FAM168B: variants seen among roughly 807,000 people sequenced by gnomAD.
The protein encoded by FAM168B is myelin-associated neurite-outgrowth inhibitor.
Under a neutral mutation model 21.8 loss-of-function variants are expected in FAM168B, and 19 were observed. That is an observed-to-expected ratio of 0.87 (90% confidence interval 0.61 to 1.28). The LOEUF (loss-of-function observed/expected upper bound fraction) is 1.28. Ranked by LOEUF, FAM168B falls within the 50% of genes most tolerant of loss-of-function variation. FAM168B has a pLI of 0.00. For missense variants in FAM168B, 233 were observed against 263.1 expected (o/e 0.89, Z 0.79); for synonymous variants, 126 against 104.8 (o/e 1.20, Z -1.24).
At chr2:131,080,601 G>A (rs1353734383) in intron 2 of FAM168B, among the ~76,000 whole-genome samples, 68 of 149,170 alleles carry the variant, frequency 4.6e-4, no homozygotes, top group African/African-American at 1.5e-3. Context: ...CTGGGCAACA[G>A]GGCAAGACGG....
At position 131,086,889 on chromosome 2, in the gene FAM168B, C is replaced by G. The variant is rs924011844; in HGVS notation, c.-11-4232G>C. Among the ~76,000 whole-genome samples, 9 of 125,572 alleles carry G rather than the reference C, an allele frequency of 7.2e-5. 2 individuals are homozygous for G. Among genetic ancestry groups the G allele is most frequent in the African/African-American group, 4.0e-4 (9 of 22,570 alleles). The allele number at this position is 125,572 out of a possible 152,430, so 82.4% of individuals were successfully genotyped here. On this transcript the variant is annotated intron_variant, in intron 1 of 6. Coordinates refer to ENST00000389915, the MANE Select transcript of FAM168B (RefSeq NM_001009993.4). ...GACCATCCTGGCTAACACGGTGAAA[C>G]CCCGTCTCTACTAAAAATACAAAAA...
Position 131,051,185 on chromosome 2 carries a change from A to G in FAM168B, c.*1280T>C. ...CAGGAGAGGCTCGCAGACAACAGAC[A>G]CTGGCCTCCCCCTCGCCCCATCTCT... On this transcript the variant is annotated 3_prime_UTR_variant, in exon 7 of 7. Coordinates refer to ENST00000389915, the MANE Select transcript of FAM168B (RefSeq NM_001009993.4). The G allele has an allele frequency of 2.0e-6, 2 of 985,318 alleles. No homozygotes were observed. The highest frequency in any genetic ancestry group is 2.4e-6 in the Non-Finnish European group (2 of 829,960). 61.0% of individuals were successfully genotyped at this position (985,318 alleles called of 1,614,324 possible).
intron 2 of FAM168B, among the ~76,000 whole-genome samples, chr2:131,075,193 C>G (rs1206186075): frequency 1.3e-5 from 2 of 151,018 alleles, no homozygotes; most frequent in Non-Finnish European, 1.5e-5. Flanking sequence ...ATTGTGAGCA[C>G]AGGAAGACCA....
At position 131,071,845 on chromosome 2, in the gene FAM168B, C is replaced by CAG. The variant is rs1425961140; in HGVS notation, c.154+8_154+9dup. 1 of 1,613,434 alleles carries CAG rather than the reference C, an allele frequency of 6.2e-7. No individual in the cohort carries two copies. The highest frequency in any genetic ancestry group is 8.5e-7 in the Non-Finnish European group (1 of 1,179,522). On this transcript the variant is annotated intron_variant, in intron 3 of 6. Transcript: ENST00000389915. ...TGTACGTACAAAGCATTTTACCACCCAGCACATACCTGTTTGGAAGGTAGG... is the reference window on the plus strand; with the variant it reads ...TGTACGTACAAAGCATTTTACCACCCAGAGCACATACCTGTTTGGAAGGTAGG...
Position 131,049,489 on chromosome 2 carries a change from C to G in FAM168B, c.*2976G>C. 1 of 985,424 alleles carries G rather than the reference C, an allele frequency of 1.0e-6. No homozygotes were observed. Among genetic ancestry groups the G allele is most frequent in the Non-Finnish European group, 1.2e-6 (1 of 829,944 alleles). The allele number at this position is 985,424 out of a possible 1,614,324, so 61.0% of individuals were successfully genotyped here. A position where few individuals can be genotyped will look rare whatever the true frequency, so the allele number is the denominator to read the frequency against. On this transcript the variant is annotated 3_prime_UTR_variant, in exon 7 of 7. Transcript: ENST00000389915. ...TTCAGGCCCATTACCATGACTGGCC[C>G]TGACTCTGGCCCTCACAGAGCGGCA...
chr2:131,083,012 G>C (rs528969379), intron 1 of FAM168B, among the ~76,000 whole-genome samples: 9 of 152,256 alleles, frequency 5.9e-5, no homozygotes, highest in African/African-American at 1.7e-4. Context: ...CCTGAGGTCA[G>C]GAGTTTGAGA....
intron 2 of FAM168B, among the ~76,000 whole-genome samples, chr2:131,078,811 T>C (rs1403909254): frequency 1.3e-5 from 2 of 151,522 alleles, no homozygotes; most frequent in Non-Finnish European, 2.9e-5. Flanking sequence ...TGAGACCCGA[T>C]CTCTACAAAA....
At chr2:131,073,317 T>G (rs962713034) in intron 2 of FAM168B, among the ~76,000 whole-genome samples, 2 of 152,182 alleles carry the variant, frequency 1.3e-5, no homozygotes, top group African/African-American at 4.8e-5. Flanking sequence ...GGTCTCGAAC[T>G]CCTGACCTCA....
Position 131,093,367 on chromosome 2 carries a change from C to CCG in FAM168B, c.-167_-166dup, listed in dbSNP as rs1694138469. The CCG allele has an allele frequency of 6.6e-6, 1 of 150,752 alleles. No individual in the cohort carries two copies. The highest frequency in any genetic ancestry group is 2.4e-5 in the African/African-American group (1 of 41,308). 9.3% of individuals were successfully genotyped at this position (150,752 alleles called of 1,614,324 possible). A position where few individuals can be genotyped will look rare whatever the true frequency, so the allele number is the denominator to read the frequency against. On this transcript the variant is annotated 5_prime_UTR_variant, in exon 1 of 7. Transcript: ENST00000389915. ...CCGCGTCTCCGCCGCCTCCCGGACG[C>CCG]CGCGCTCCCGCTCGCTCGGCTCCGC... is the stretch of plus-strand genomic sequence containing the variant.
chr2:131,052,763 T>TAC, intron 6 of FAM168B, 128 bp downstream of exon 6: 3 of 1,395,952 alleles, frequency 2.1e-6, no homozygotes, highest in South Asian at 2.9e-5. Flanking sequence ...ATTTAAACAC[T>TAC]ACATTGCCTC....
intron 2 of FAM168B, among the ~76,000 whole-genome samples, chr2:131,078,267 A>G (rs1573803492): frequency 6.6e-6 from 1 of 152,222 alleles, no homozygotes; most frequent in Admixed American, 6.5e-5. Flanking sequence ...TATGTTGGAA[A>G]AAACAGAAGA....
At chr2:131,073,547 T>C (rs1015609896) in intron 2 of FAM168B, among the ~76,000 whole-genome samples, 2 of 152,202 alleles carry the variant, frequency 1.3e-5, no homozygotes, top group Non-Finnish European at 2.9e-5. Context: ...AGTGGGTTCC[T>C]GATAAAAAGG....
chr2:131,055,149 C>G lies in FAM168B; in HGVS notation c.475+123G>C, dbSNP rs189421019. On this transcript the variant is annotated intron_variant, in intron 5 of 6. Transcript: ENST00000389915. ...TGCTGTTTCTTCCCCAAAGAATTTTCTGTCCTTCCACACAACTACAGCTAT... is the reference window on the plus strand; with the variant it reads ...TGCTGTTTCTTCCCCAAAGAATTTTGTGTCCTTCCACACAACTACAGCTAT... 3.1e-6 allele frequency: 3 copies of G among 971,208 alleles called. No homozygotes were observed. In the Admixed American group the frequency reaches 1.1e-4, roughly 36 times the overall value. 60.2% of individuals were successfully genotyped at this position (971,208 alleles called of 1,614,324 possible).
In FAM168B at chr2:131,052,050, A is replaced by G; in HGVS notation, c.*415T>C. ...ACTGTAAGACTTTGCATACATTACA[A>G]CAGTGCATTAGTGATACAAGTTGTA... On this transcript the variant is annotated 3_prime_UTR_variant, in exon 7 of 7. Transcript: ENST00000389915. 1.0e-6 allele frequency: 1 copy of G among 985,812 alleles called. No homozygotes were observed. The highest frequency in any genetic ancestry group is 4.7e-5 in the South Asian group (1 of 21,292). 61.1% of individuals were successfully genotyped at this position (985,812 alleles called of 1,614,324 possible).
In FAM168B at chr2:131,051,419, C is replaced by T. The variant is rs1213868448; in HGVS notation, c.*1046G>A. ...CATAACATACAGCTGAAACCTTTGC[C>T]CTTCTTTGTTGGGGAAAAACAGCAA... On this transcript the variant is annotated 3_prime_UTR_variant, in exon 7 of 7. Coordinates refer to ENST00000389915, the MANE Select transcript of FAM168B (RefSeq NM_001009993.4). The T allele has an allele frequency of 1.0e-6, 1 of 984,926 alleles. No individual in the cohort carries two copies. The highest frequency in any genetic ancestry group is 1.1e-4 in the East Asian group (1 of 8,796). The allele number at this position is 984,926 out of a possible 1,614,324, so 61.0% of individuals were successfully genotyped here. A position where few individuals can be genotyped will look rare whatever the true frequency, so the allele number is the denominator to read the frequency against.
rs143558565 is a variant in FAM168B at position 131,066,567 on chromosome 2, C to G, written c.154+5288G>C. ...TATTACAAAGAACAGACTGTTTTGACAATTTCAGATCATCATTACCAATAT... is the reference window on the plus strand; with the variant it reads ...TATTACAAAGAACAGACTGTTTTGAGAATTTCAGATCATCATTACCAATAT... On this transcript the variant is annotated intron_variant, in intron 3 of 6. Transcript: ENST00000389915. Among the ~76,000 whole-genome samples, 201 of 152,276 alleles carry G rather than the reference C, an allele frequency of 1.3e-3. 3 individuals are homozygous for G. The highest frequency in any genetic ancestry group is 4.6e-3 in the African/African-American group (190 of 41,532).
intron 1 of FAM168B, among the ~76,000 whole-genome samples, chr2:131,084,983 G>A (rs547486254): frequency 6.6e-6 from 1 of 152,274 alleles, no homozygotes; most frequent in South Asian, 2.1e-4. Flanking sequence ...CTAAAATGCA[G>A]TGTATTAAAG....
At chr2:131,078,854 C>T (rs746694476) in intron 2 of FAM168B, among the ~76,000 whole-genome samples, 2 of 151,908 alleles carry the variant, frequency 1.3e-5, no homozygotes, top group African/African-American at 4.8e-5. Context: ...GGCATGGTAG[C>T]GCACACCTGT....
intron 3 of FAM168B, 139 bp downstream of exon 3, chr2:131,071,716 C>A: frequency 1.4e-6 from 1 of 711,998 alleles, no homozygotes; most frequent in South Asian, 1.7e-5. Flanking sequence ...TTTTGTTGCA[C>A]TTATCAACAG....
Sources: allele counts gnomAD v4.1 joint callset (sites outside exome capture counted in the v4.1 genomes callset), GRCh38; gene constraint gnomAD v4.1.1; transcripts MANE v1.5; gene names NCBI Gene and HGNC (gene_info 2026-07-23, HGNC 2026-07-21).